The following ARHGAP28 variants were observed in gnomAD, a reference collection of about 807,000 sequenced individuals.
The protein encoded by ARHGAP28 is rho GTPase-activating protein 28.
A neutral mutation model predicts 90.7 loss-of-function variants in ARHGAP28; 56 were observed. That is an observed-to-expected ratio of 0.62 (90% CI 0.50 to 0.77). ARHGAP28 has a LOEUF of 0.77. ARHGAP28 is among the 30% of genes least tolerant of loss of function. The pLI is 0.00. For synonymous variants in ARHGAP28, 308 were observed against 323.3 expected (o/e 0.95, Z 0.51); for missense variants, 869 against 900.9 (o/e 0.96, Z 0.45).
chr18:6,862,554 T>C (rs2057006893), intron 5 of ARHGAP28, among the ~76,000 whole-genome samples: 2 of 152,234 alleles, frequency 1.3e-5, no homozygotes, highest in African/African-American at 4.8e-5. Flanking sequence ...TTTGCAGATG[T>C]CTGTCTCTAT....
chr18:6,795,776 C>T (rs576061342), intron 1 of ARHGAP28, among the ~76,000 whole-genome samples: 5 of 152,276 alleles, frequency 3.3e-5, no homozygotes, highest in Admixed American at 6.5e-5. Flanking sequence ...GGGTGTAGCC[C>T]CTATGTGAAT....
At chr18:6,858,292 A>G (rs1285913247) in intron 4 of ARHGAP28, among the ~76,000 whole-genome samples, 2 of 151,856 alleles carry the variant, frequency 1.3e-5, no homozygotes, top group African/African-American at 2.4e-5. Flanking sequence ...TTCATTCTAC[A>G]TTATTTGTTT....
chr18:6,869,393 T>C (rs2057065024), intron 6 of ARHGAP28, among the ~76,000 whole-genome samples: 1 of 151,550 alleles, frequency 6.6e-6, no homozygotes, highest in South Asian at 2.1e-4. Flanking sequence ...CTTGAGTAGC[T>C]GGAATTACAG....
intron 16 of ARHGAP28, among the ~76,000 whole-genome samples, chr18:6,902,286 C>G (rs907816942): frequency 6.6e-6 from 1 of 152,052 alleles, no homozygotes. Context: ...TTAATTGTAA[C>G]AAATGTACTA....
At chr18:6,850,312 A>G (rs1194129721) in intron 3 of ARHGAP28, among the ~76,000 whole-genome samples, 3 of 152,096 alleles carry the variant, frequency 2.0e-5, no homozygotes, top group Admixed American at 6.5e-5. Context: ...CTTTTTCATG[A>G]TGTTGGTTTT....
intron 14 of ARHGAP28, among the ~76,000 whole-genome samples, chr18:6,892,845 T>C (rs2143748520): frequency 6.6e-6 from 1 of 152,352 alleles, no homozygotes; most frequent in East Asian, 1.9e-4. Flanking sequence ...GAGCAGTGTG[T>C]GTGCTGGGGC....
chr18:6,778,718 G>A (rs1366114613), intron 1 of ARHGAP28, among the ~76,000 whole-genome samples: 1 of 152,124 alleles, frequency 6.6e-6, no homozygotes, highest in Non-Finnish European at 1.5e-5. Flanking sequence ...TGTGACTAAC[G>A]AGCATTAGTG....
intron 17 of ARHGAP28, among the ~76,000 whole-genome samples, chr18:6,909,300 C>CTT (rs11285854): frequency 1.1e-4 from 14 of 122,040 alleles, no homozygotes; most frequent in African/African-American, 3.2e-4. Flanking sequence ...CTTTTCTTTT[C>CTT]TTTTTTTTTT....
intron 1 of ARHGAP28, among the ~76,000 whole-genome samples, chr18:6,781,060 A>T (rs1370609223): frequency 1.3e-5 from 2 of 152,210 alleles, no homozygotes; most frequent in Non-Finnish European, 2.9e-5. Flanking sequence ...CAGCCAGTCG[A>T]CTTGATCCAA....
At chr18:6,876,022 AAT>A in intron 9 of ARHGAP28, 107 bp from the exon 10 acceptor site, 1 of 895,580 alleles carries the variant, frequency 1.1e-6, no homozygotes, top group Non-Finnish European at 1.8e-6. Flanking sequence ...GTGCCAGGCA[AAT>A]ATATATATGC....
chr18:6,893,755 G>A (rs1362584409), intron 14 of ARHGAP28, among the ~76,000 whole-genome samples: 2 of 151,630 alleles, frequency 1.3e-5, no homozygotes, highest in East Asian at 3.9e-4. Context: ...ATGTTTTATT[G>A]TAAATAGAAC....
intron 9 of ARHGAP28, among the ~76,000 whole-genome samples, chr18:6,875,323 T>G (rs2057122595): frequency 6.6e-6 from 1 of 152,248 alleles, no homozygotes; most frequent in African/African-American, 2.4e-5. Flanking sequence ...CAGACATGTT[T>G]CTTCTTCCTA....
intron 1 of ARHGAP28, among the ~76,000 whole-genome samples, chr18:6,783,372 G>T (rs2056341064): frequency 6.6e-6 from 1 of 151,166 alleles, no homozygotes; most frequent in Admixed American, 6.6e-5. Flanking sequence ...CGCGATCTCA[G>T]CTCACTGCAA....
intron 3 of ARHGAP28, among the ~76,000 whole-genome samples, chr18:6,846,477 G>A (rs775447709): frequency 1.3e-5 from 2 of 152,192 alleles, no homozygotes; most frequent in Non-Finnish European, 2.9e-5. Flanking sequence ...AGGTCTGGAC[G>A]TGGAGTGTAG....
At chr18:6,841,157 T>TCTCTCTCC (rs2056808776) in intron 3 of ARHGAP28, among the ~76,000 whole-genome samples, 4 of 70,278 alleles carry the variant, frequency 5.7e-5, no homozygotes, top group Non-Finnish European at 8.5e-5. Flanking sequence ...TCTCTCCTCT[T>TCTCTCTCC]TCTCTCTCTC....
At chr18:6,900,417 C>T (rs1411349329) in intron 16 of ARHGAP28, among the ~76,000 whole-genome samples, 1 of 152,092 alleles carries the variant, frequency 6.6e-6, no homozygotes, top group Non-Finnish European at 1.5e-5. Flanking sequence ...TGTGAATTCT[C>T]CTGAAACAAA....
rs753977646 is a variant in ARHGAP28 at position 6,890,498 on chromosome 18, C to G, written c.1803C>G (p.Leu601=). 49 of 1,613,256 alleles carry G rather than the reference C, an allele frequency of 3.0e-5. No individual in the cohort carries two copies. Among genetic ancestry groups the G allele is most frequent in the Non-Finnish European group, 4.2e-5 (49 of 1,179,760 alleles). Residue 601 remains leucine, a synonymous_variant, in exon 14 of 18, where the codon CTC becomes CTG. Coordinates refer to ENST00000383472, the MANE Select transcript of ARHGAP28 (RefSeq NM_001366230.1). ...NEATMLLKKQ[L]PSVRKLLRRK... ...CCACGATGCTATTGAAGAAGCAGCT[C>G]CCAAGTGTCAGGAAGCTGCTCAGGA...
intron 3 of ARHGAP28, among the ~76,000 whole-genome samples, chr18:6,842,769 G>T (rs573825363): frequency 1.3e-4 from 20 of 152,170 alleles, no homozygotes; most frequent in African/African-American, 4.1e-4. Context: ...ATGGTGAAGT[G>T]TGTTTACTGT....
chr18:6,841,170 CTCTCTCTCTCCT>C (rs2056812047), intron 3 of ARHGAP28, among the ~76,000 whole-genome samples: 3 of 81,124 alleles, frequency 3.7e-5, no homozygotes, highest in African/African-American at 1.5e-4. Flanking sequence ...TCTCTCTCCT[CTCTCTCTCTCCT>C]CTCTCTCTCT....
Sources: allele counts gnomAD v4.1 joint callset (sites outside exome capture counted in the v4.1 genomes callset), GRCh38; gene constraint gnomAD v4.1.1; transcripts MANE v1.5; gene names NCBI Gene and HGNC (gene_info 2026-07-23, HGNC 2026-07-21).